The following CADPS variants were observed in gnomAD, a reference collection of about 807,000 sequenced individuals.
The protein encoded by CADPS is calcium dependent secretion activator.
CADPS carries 57 observed loss-of-function variants against 167.3 expected under a neutral mutation model. That is an observed-to-expected ratio of 0.34 (90% CI 0.28 to 0.42). The LOEUF (loss-of-function observed/expected upper bound fraction) is 0.42. Among genes scored for constraint, CADPS ranks in the 20% least tolerant of loss-of-function variants. The pLI is 1.00. For synonymous variants in CADPS, 676 were observed against 635.3 expected (o/e 1.06, Z -0.96); for missense variants, 1,414 against 1,738.1 (o/e 0.81, Z 3.32).
intron 11 of CADPS, among the ~76,000 whole-genome samples, chr3:62,542,487 C>G (rs1467636941): frequency 6.6e-6 from 1 of 152,076 alleles, no homozygotes; most frequent in Non-Finnish European, 1.5e-5. Context: ...TCTAGAAGAG[C>G]TTTCCTTGGA....
At chr3:62,690,008 A>G (rs1911187) in intron 3 of CADPS, among the ~76,000 whole-genome samples, 132,584 of 151,668 alleles carry the variant, frequency 0.87, 58,110 homozygotes, top group East Asian at 0.98. Context: ...CATTTTAGCT[A>G]GGAGAGGTAC....
chr3:62,536,751 C>T (rs926495637), intron 11 of CADPS, among the ~76,000 whole-genome samples, 170 bp from the exon 12 acceptor site: 1 of 152,180 alleles, frequency 6.6e-6, no homozygotes, highest in Non-Finnish European at 1.5e-5. Context: ...TGTCAACTTG[C>T]ATCACTTACT....
intron 3 of CADPS, among the ~76,000 whole-genome samples, chr3:62,679,792 C>T (rs1362674615): frequency 6.6e-6 from 1 of 151,926 alleles, no homozygotes; most frequent in African/African-American, 2.4e-5. Flanking sequence ...GTAAATGAGA[C>T]TGGGTTTTTG....
intron 9 of CADPS, among the ~76,000 whole-genome samples, chr3:62,559,571 G>A (rs183859280): frequency 8.4e-4 from 128 of 151,852 alleles, no homozygotes; most frequent in African/African-American, 3.0e-3. Context: ...CTTGGCTCAC[G>A]GCAACCTCCG....
At chr3:62,744,589 T>C (rs1348077700) in intron 3 of CADPS, among the ~76,000 whole-genome samples, 1 of 152,238 alleles carries the variant, frequency 6.6e-6, no homozygotes, top group Non-Finnish European at 1.5e-5. Flanking sequence ...AGATGGCTTA[T>C]CATAGATTTT....
chr3:62,443,007 C>T (rs767514680), intron 27 of CADPS, among the ~76,000 whole-genome samples: 3 of 152,082 alleles, frequency 2.0e-5, no homozygotes, highest in East Asian at 1.9e-4. Context: ...GCTATTAAAG[C>T]GTATGTTAAT....
Position 62,650,907 on chromosome 3 carries a change from C to T in CADPS, c.1143G>A (p.Met381Ile), listed in dbSNP as rs1252763033. 10 of 1,614,100 alleles carry T rather than the reference C, an allele frequency of 6.2e-6. No homozygotes were observed. The highest frequency in any genetic ancestry group is 1.7e-5 in the Admixed American group (1 of 60,024). Residue 381 changes from methionine (M) to isoleucine (I), a missense_variant, in exon 5 of 30, where the codon ATG becomes ATA. By Grantham distance (10) the Met-to-Ile change is conservative. This residue lies in a region of CADPS where 522 missense variants were observed against 559.5 expected (regional missense o/e 0.93). Coordinates refer to ENST00000383710, the MANE Select transcript of CADPS (RefSeq NM_003716.4). ...AGAGCTGGTTCTCACTCTCCTCGCC[C>T]ATGTCGATGATGGAAGCATTGTGGC... The part of the protein sequence containing the change: ...KRSHNASIID[M>I]GEESENQLSK...
At chr3:62,475,599 A>AAAC (rs2061199918) in intron 23 of CADPS, among the ~76,000 whole-genome samples, 1 of 147,350 alleles carries the variant, frequency 6.8e-6, no homozygotes, top group African/African-American at 2.6e-5. Flanking sequence ...AAAAAAAAAA[A>AAAC]AAAAAAAAAA....
intron 6 of CADPS, among the ~76,000 whole-genome samples, chr3:62,626,930 T>G (rs968065761): frequency 1.3e-5 from 2 of 152,146 alleles, no homozygotes; most frequent in African/African-American, 2.4e-5. Flanking sequence ...TTAATTGCAG[T>G]GAATGTTAAA....
At chr3:62,490,102 G>T (rs1374719875) in intron 21 of CADPS, among the ~76,000 whole-genome samples, 2 of 152,114 alleles carry the variant, frequency 1.3e-5, no homozygotes, top group Non-Finnish European at 2.9e-5. Context: ...GCCTTATACA[G>T]TATAACATTA....
chr3:62,583,579 T>C (rs1214921735), intron 8 of CADPS, among the ~76,000 whole-genome samples: 1 of 152,144 alleles, frequency 6.6e-6, no homozygotes, highest in Non-Finnish European at 1.5e-5. Flanking sequence ...CAGAAGAGCT[T>C]TGCCATAATC....
At chr3:62,617,355 T>A (rs1050246407) in intron 6 of CADPS, among the ~76,000 whole-genome samples, 3 of 152,000 alleles carry the variant, frequency 2.0e-5, no homozygotes, top group Non-Finnish European at 4.4e-5. Context: ...GGAAAAAAAA[T>A]ATATGGATGA....
chr3:62,608,988 T>C (rs939586561), intron 6 of CADPS, among the ~76,000 whole-genome samples: 1 of 152,202 alleles, frequency 6.6e-6, no homozygotes, highest in African/African-American at 2.4e-5. Context: ...ATACTCTCCT[T>C]TATCTCAGTC....
intron 3 of CADPS, among the ~76,000 whole-genome samples, chr3:62,669,571 C>A (rs903843631): frequency 6.6e-6 from 1 of 152,178 alleles, no homozygotes; most frequent in Non-Finnish European, 1.5e-5. Flanking sequence ...AAATGTAGAG[C>A]CTGTAGAACA....
chr3:62,611,142 T>A (rs1234474938), intron 6 of CADPS, among the ~76,000 whole-genome samples: 3 of 152,114 alleles, frequency 2.0e-5, no homozygotes, highest in African/African-American at 7.2e-5. Flanking sequence ...GCACCCCACA[T>A]AACACTCGGC....
chr3:62,783,870 T>A (rs146909772), intron 1 of CADPS, among the ~76,000 whole-genome samples: 1 of 151,874 alleles, frequency 6.6e-6, no homozygotes, highest in African/African-American at 2.4e-5. Flanking sequence ...ATTATTTATC[T>A]GAGAGAAGGA....
At chr3:62,485,293 A>G (rs73842424) in intron 21 of CADPS, among the ~76,000 whole-genome samples, 10 of 151,536 alleles carry the variant, frequency 6.6e-5, no homozygotes, top group African/African-American at 2.2e-4. Context: ...CTCCAACTTT[A>G]TGGCTTGCCT....
intron 6 of CADPS, among the ~76,000 whole-genome samples, chr3:62,630,637 G>A (rs143228857): frequency 4.1e-4 from 63 of 152,242 alleles, no homozygotes; most frequent in Non-Finnish European, 6.9e-4. Context: ...TTACAGCCGT[G>A]AGCCACCATG....
chr3:62,867,749 G>T (rs749528460), intron 1 of CADPS, among the ~76,000 whole-genome samples: 15 of 151,916 alleles, frequency 9.9e-5, no homozygotes, highest in Non-Finnish European at 2.1e-4. Context: ...TATCAACTTA[G>T]CAATAACAAG....
Sources: gnomAD v4.1 joint callset for allele counts (sites outside exome capture counted in the v4.1 genomes callset) on GRCh38, gnomAD v4.1.1 for gene constraint, gnomAD v4.1.1 regional missense constraint, MANE v1.5 for transcripts, NCBI Gene and HGNC (gene_info 2026-07-23, HGNC 2026-07-21) for gene names.